SMCHD1: variants seen among roughly 807,000 people sequenced by gnomAD.
SMCHD1 encodes the protein structural maintenance of chromosomes flexible hinge domain containing 1.
SMCHD1 carries 78 observed loss-of-function variants against 254.7 expected under a neutral mutation model. The observed-to-expected ratio is 0.31, with a 90% CI of 0.26 to 0.37. SMCHD1 has a LOEUF of 0.37. Among genes scored for constraint, SMCHD1 ranks in the 10% least tolerant of loss-of-function variants. The probability of loss-of-function intolerance (pLI) is 1.00; values close to 1 mark genes in which losing one functional copy is unlikely to be tolerated. For synonymous variants in SMCHD1, 766 were observed against 794.9 expected (o/e 0.96, Z 0.61); for missense variants, 1,840 against 2,408.1 (o/e 0.76, Z 4.94).
intron 1 of SMCHD1, among the ~76,000 whole-genome samples, chr18:2,662,684 A>AAAAAAAAAAG (rs2073323959): frequency 6.6e-6 from 1 of 150,516 alleles, no homozygotes; most frequent in African/African-American, 2.4e-5. Context: ...AAAAAAAAAA[A>AAAAAAAAAAG]AAAAAAGGGA....
At chr18:2,765,495 T>G (rs1199390484) in intron 37 of SMCHD1, among the ~76,000 whole-genome samples, 6 of 152,208 alleles carry the variant, frequency 3.9e-5, no homozygotes, top group Non-Finnish European at 8.8e-5. Context: ...CCTGAAGACT[T>G]GTCAATTGGT....
chr18:2,777,319 T>C (rs1598435249), intron 42 of SMCHD1, among the ~76,000 whole-genome samples: 1 of 152,342 alleles, frequency 6.6e-6, no homozygotes, highest in South Asian at 2.1e-4. Context: ...CCCAATCAAC[T>C]ACCATCTCTG....
rs763691462 is a variant in SMCHD1 at position 2,718,454 on chromosome 18, A to G, written c.2458+20A>G. The G allele has an allele frequency of 1.7e-5, 27 of 1,567,618 alleles. No homozygotes were observed. Among genetic ancestry groups the G allele is most frequent in the South Asian group, 1.4e-4 (12 of 84,018 alleles). On this transcript the variant is annotated intron_variant, in intron 19 of 47. Coordinates refer to ENST00000320876, the MANE Select transcript of SMCHD1 (RefSeq NM_015295.3). The surrounding 1 kb of genome is among the most constrained non-coding windows in gnomAD (Gnocchi z 4.6). ...TTAAAGGTAAGCAAAACAGTAATATATAATTATATATGCTAAAGGTGGCAT... is the reference window on the plus strand; with the variant it reads ...TTAAAGGTAAGCAAAACAGTAATATGTAATTATATATGCTAAAGGTGGCAT...
At chr18:2,701,763 G>A (rs2074407037) in intron 12 of SMCHD1, among the ~76,000 whole-genome samples, 1 of 152,060 alleles carries the variant, frequency 6.6e-6, no homozygotes, top group Non-Finnish European at 1.5e-5. Context: ...TGTATTCTGT[G>A]AACAGACCTC....
intron 45 of SMCHD1, among the ~76,000 whole-genome samples, chr18:2,787,593 G>A (rs369572806): frequency 6.6e-6 from 1 of 152,114 alleles, no homozygotes; most frequent in African/African-American, 2.4e-5. Flanking sequence ...TAATGTAAAA[G>A]GCCTAGACTC....
chr18:2,676,378 A>G (rs1233149043), intron 5 of SMCHD1, among the ~76,000 whole-genome samples: 1 of 152,232 alleles, frequency 6.6e-6, no homozygotes, highest in Admixed American at 6.5e-5. Context: ...TGGTTGGAGA[A>G]GAGGGCCTCT....
intron 1 of SMCHD1, among the ~76,000 whole-genome samples, chr18:2,665,050 TTAGAC>T (rs1342889806): frequency 1.3e-5 from 2 of 152,340 alleles, no homozygotes; most frequent in Admixed American, 6.5e-5. Flanking sequence ...ATGTTAATCT[TTAGAC>T]TAGTCCATTA....
Position 2,763,622 on chromosome 18 carries a change from A to AT in SMCHD1, c.4567-9dup, listed in dbSNP as rs772038791. On this transcript the variant is annotated splice_polypyrimidine_tract_variant and intron_variant, in intron 36 of 47. Transcript: ENST00000320876. ...TCATCAGTTTCTCTAATTGTTTTCC[A>AT]TTTTTTGTTTTAAGGATGACTACGA... 5.4e-5 allele frequency: 83 copies of AT among 1,540,768 alleles called. No individual in the cohort carries two copies. Among genetic ancestry groups the AT allele is most frequent in the African/African-American group, 8.5e-5 (6 of 70,382 alleles).
At chr18:2,748,675 G>A (rs535823170) in intron 30 of SMCHD1, among the ~76,000 whole-genome samples, 1 of 152,134 alleles carries the variant, frequency 6.6e-6, no homozygotes, top group African/African-American at 2.4e-5. Flanking sequence ...GATTACAGGT[G>A]TGAGCCACTG....
chr18:2,769,229 C>T (rs1239993648), intron 37 of SMCHD1, among the ~76,000 whole-genome samples: 1 of 152,024 alleles, frequency 6.6e-6, no homozygotes, highest in Non-Finnish European at 1.5e-5. Context: ...GTTCTGTCAC[C>T]TGGGACTTTG....
At chr18:2,719,330 G>A (rs1000589442) in intron 19 of SMCHD1, among the ~76,000 whole-genome samples, 2 of 148,916 alleles carry the variant, frequency 1.3e-5, no homozygotes, top group African/African-American at 5.0e-5. Context: ...TCACACTGTT[G>A]GCCAGGCTGG....
chr18:2,680,665 C>G (rs2143893751), intron 5 of SMCHD1, among the ~76,000 whole-genome samples: 1 of 152,258 alleles, frequency 6.6e-6, no homozygotes, highest in Non-Finnish European at 1.5e-5. Context: ...GTGGAAATGA[C>G]CTAATTATTG....
chr18:2,799,917 TTC>T (rs377744776), intron 47 of SMCHD1, among the ~76,000 whole-genome samples: 29 of 152,146 alleles, frequency 1.9e-4, no homozygotes, highest in African/African-American at 6.5e-4. Context: ...TTCCATGTCT[TTC>T]TCTCTCTTAT....
At chr18:2,720,229 A>G (rs2074895948) in intron 19 of SMCHD1, among the ~76,000 whole-genome samples, 2 of 151,950 alleles carry the variant, frequency 1.3e-5, no homozygotes, top group Admixed American at 1.3e-4. Context: ...TGTTTTTACT[A>G]CCTTATTGGA....
chr18:2,688,127 G>A (rs532711896), intron 5 of SMCHD1, among the ~76,000 whole-genome samples: 2 of 152,214 alleles, frequency 1.3e-5, no homozygotes, highest in South Asian at 4.1e-4. Context: ...ATTTAGTCCT[G>A]TTTGCTGAGA....
intron 28 of SMCHD1, among the ~76,000 whole-genome samples, chr18:2,741,115 A>C (rs2075341924): frequency 6.6e-6 from 1 of 152,154 alleles, no homozygotes; most frequent in Admixed American, 6.5e-5. Flanking sequence ...TGGTATATAG[A>C]TTTTTTTGAT....
In SMCHD1 at chr18:2,803,067, A is replaced by T. The variant is rs1194181729; in HGVS notation, c.*515A>T. The T allele has an allele frequency of 1.3e-5, 2 of 151,852 alleles. No individual in the cohort carries two copies. The highest frequency in any genetic ancestry group is 2.9e-5 in the Non-Finnish European group (2 of 67,980). 9.4% of individuals were successfully genotyped at this position (151,852 alleles called of 1,614,324 possible). ...AACTCAATGCAGAATTCAGGATAAA[A>T]ATTTTAAAAGCACAGGTATTTGGGA... On this transcript the variant is annotated 3_prime_UTR_variant, in exon 48 of 48. Coordinates refer to ENST00000320876, the MANE Select transcript of SMCHD1 (RefSeq NM_015295.3).
intron 20 of SMCHD1, among the ~76,000 whole-genome samples, chr18:2,723,231 G>T (rs544101052): frequency 2.0e-5 from 3 of 152,092 alleles, no homozygotes; most frequent in Non-Finnish European, 4.4e-5. Context: ...TTTTGTGAAT[G>T]TAATACCGTT....
intron 44 of SMCHD1, among the ~76,000 whole-genome samples, chr18:2,779,760 C>T (rs578064629): frequency 5.9e-5 from 9 of 152,188 alleles, no homozygotes; most frequent in South Asian, 4.1e-4. Context: ...TATAGGCTGT[C>T]GTGTGCTCTG....
Sources: gnomAD v4.1 joint callset for allele counts (sites outside exome capture counted in the v4.1 genomes callset) on GRCh38, gnomAD v4.1.1 for gene constraint, Gnocchi (gnomAD v3.1) non-coding constraint, MANE v1.5 for transcripts, NCBI Gene and HGNC (gene_info 2026-07-23, HGNC 2026-07-21) for gene names.